Variants in GALNTL6 observed in about 807,000 individuals in gnomAD.
GALNTL6 encodes the protein polypeptide N-acetylgalactosaminyltransferase-like 6.
A neutral mutation model predicts 73.7 loss-of-function variants in GALNTL6; 46 were observed. The ratio of observed to expected loss-of-function variants is 0.62; its 90% CI spans 0.49 to 0.80. The LOEUF (loss-of-function observed/expected upper bound fraction) is 0.80, where lower values mean the gene tolerates loss of function less well. Among genes scored for constraint, GALNTL6 ranks in the 30% least tolerant of loss-of-function variants. The probability of loss-of-function intolerance (pLI) is 0.00; values close to 1 mark genes in which losing one functional copy is unlikely to be tolerated. For missense variants in GALNTL6, 604 were observed against 755.0 expected (o/e 0.80, Z 2.34); for synonymous variants, 259 against 263.7 (o/e 0.98, Z 0.17).
chr4:171,889,161 A>G (rs1222857507), intron 2 of GALNTL6, among the ~76,000 whole-genome samples: 2 of 152,236 alleles, frequency 1.3e-5, no homozygotes, highest in South Asian at 2.1e-4. Context: ...TCATAAAAAA[A>G]GATATAGTCT....
chr4:171,949,670 G>A (rs1738810013), intron 2 of GALNTL6, among the ~76,000 whole-genome samples: 1 of 151,938 alleles, frequency 6.6e-6, no homozygotes, highest in Admixed American at 6.6e-5. Context: ...GCAAGACTAA[G>A]TAAAAATATA....
intron 2 of GALNTL6, among the ~76,000 whole-genome samples, chr4:172,099,810 A>G (rs1295943285): frequency 1.3e-5 from 2 of 152,138 alleles, no homozygotes. Flanking sequence ...AAATATAAGA[A>G]GTTTCAGGTT....
intron 2 of GALNTL6, among the ~76,000 whole-genome samples, chr4:172,062,291 T>A (rs573051472): frequency 7.9e-5 from 12 of 152,198 alleles, no homozygotes; most frequent in Admixed American, 2.0e-4. Flanking sequence ...GAGAGAAATT[T>A]AATAATGTGT....
At chr4:172,663,668 C>A (rs758182987) in intron 5 of GALNTL6, among the ~76,000 whole-genome samples, 1 of 152,170 alleles carries the variant, frequency 6.6e-6, no homozygotes, top group African/African-American at 2.4e-5. Context: ...GTGGCTCACG[C>A]CTATAATCCC....
chr4:172,797,034 C>T (rs1357470524), intron 5 of GALNTL6, among the ~76,000 whole-genome samples: 1 of 152,042 alleles, frequency 6.6e-6, no homozygotes, highest in Non-Finnish European at 1.5e-5. Context: ...ATTGGGGACC[C>T]TATCACTCAA....
intron 5 of GALNTL6, among the ~76,000 whole-genome samples, chr4:172,369,350 C>A (rs1241206983): frequency 1.3e-5 from 2 of 152,208 alleles, no homozygotes; most frequent in Admixed American, 1.3e-4. Context: ...TTGGTGCATT[C>A]ACAATCCTTT....
At chr4:173,004,272 T>G (rs79836646) in intron 10 of GALNTL6, among the ~76,000 whole-genome samples, 1 of 152,306 alleles carries the variant, frequency 6.6e-6, no homozygotes, top group African/African-American at 2.4e-5. Context: ...GTTCTCTTTC[T>G]GTGTTACCCT....
intron 2 of GALNTL6, among the ~76,000 whole-genome samples, chr4:171,899,731 C>T (rs575371934): frequency 8.5e-5 from 13 of 152,252 alleles, no homozygotes; most frequent in Admixed American, 8.5e-4. Flanking sequence ...ATATTTGGAC[C>T]TCTTTATATT....
intron 5 of GALNTL6, among the ~76,000 whole-genome samples, chr4:172,680,573 C>T (rs1648487915): frequency 6.6e-6 from 1 of 152,002 alleles, no homozygotes; most frequent in African/African-American, 2.4e-5. Flanking sequence ...TCTTTCATCC[C>T]CTCCTTTTTT....
intron 5 of GALNTL6, among the ~76,000 whole-genome samples, chr4:172,433,815 A>G (rs1731546853): frequency 6.6e-6 from 1 of 152,118 alleles, no homozygotes; most frequent in Non-Finnish European, 1.5e-5. Flanking sequence ...ACTCAGGAAT[A>G]TAATTGATTT....
chr4:172,835,515 C>T (rs1742865866), intron 7 of GALNTL6, among the ~76,000 whole-genome samples: 1 of 152,140 alleles, frequency 6.6e-6, no homozygotes, highest in Non-Finnish European at 1.5e-5. Flanking sequence ...AGTCCACACA[C>T]GGTATGCTTA....
intron 5 of GALNTL6, among the ~76,000 whole-genome samples, chr4:172,643,553 A>G (rs994135198): frequency 1.3e-5 from 2 of 151,926 alleles, no homozygotes; most frequent in Non-Finnish European, 2.9e-5. Context: ...ATGTCTCCCT[A>G]AAGTCCCCAA....
At chr4:172,907,386 G>A (rs1325407185) in intron 8 of GALNTL6, among the ~76,000 whole-genome samples, 1 of 152,030 alleles carries the variant, frequency 6.6e-6, no homozygotes, top group African/African-American at 2.4e-5. Context: ...TTACACAATA[G>A]ACTAGCTATT....
intron 2 of GALNTL6, among the ~76,000 whole-genome samples, chr4:172,148,880 T>C (rs1425377561): frequency 6.6e-6 from 1 of 152,244 alleles, no homozygotes; most frequent in Non-Finnish European, 1.5e-5. Flanking sequence ...TAGATGGACA[T>C]AAAACAGCCC....
intron 6 of GALNTL6, among the ~76,000 whole-genome samples, chr4:172,810,860 G>A (rs533938202): frequency 2.7e-4 from 41 of 152,174 alleles, no homozygotes; most frequent in Admixed American, 2.4e-3. Flanking sequence ...GACCTATATG[G>A]TGTTGAATAC....
chr4:172,529,868 TTTA>T (rs770565757), intron 5 of GALNTL6, among the ~76,000 whole-genome samples: 589 of 4,876 alleles, frequency 0.12, 6 homozygotes, highest in South Asian at 0.43. Context: ...TTTTATTTTA[TTTA>T]TTTATTTATT....
At chr4:172,861,318 CATGTGT>C (rs1421848322) in intron 7 of GALNTL6, among the ~76,000 whole-genome samples, 30 of 140,882 alleles carry the variant, frequency 2.1e-4, no homozygotes, top group African/African-American at 7.0e-4. Flanking sequence ...TTTTTGCTTA[CATGTGT>C]GTGTGTGTGT....
intron 5 of GALNTL6, among the ~76,000 whole-genome samples, chr4:172,787,859 G>A (rs1739749126): frequency 6.6e-6 from 1 of 152,108 alleles, no homozygotes; most frequent in South Asian, 2.1e-4. Flanking sequence ...CACCGCAACA[G>A]CAATTTCAAA....
chr4:172,971,644 A>G (rs1410613154), intron 10 of GALNTL6, among the ~76,000 whole-genome samples: 7 of 152,352 alleles, frequency 4.6e-5, no homozygotes, highest in Non-Finnish European at 8.8e-5. Flanking sequence ...AGTAATAGTT[A>G]TAGCCAACTT....
Sources: allele counts gnomAD v4.1 joint callset (sites outside exome capture counted in the v4.1 genomes callset), GRCh38; gene constraint gnomAD v4.1.1; transcripts MANE v1.5; gene names NCBI Gene and HGNC (gene_info 2026-07-23, HGNC 2026-07-21).